MFN1: variants seen among roughly 807,000 people sequenced by gnomAD.
The protein encoded by MFN1 is mitofusin-1.
In MFN1, 65 loss-of-function variants were observed where a neutral mutation model predicts 92.4. The ratio of observed to expected loss-of-function variants is 0.70; its 90% CI spans 0.58 to 0.86. The LOEUF is 0.86. Among genes scored for constraint, MFN1 ranks in the 40% least tolerant of loss-of-function variants. The pLI is 0.00. For synonymous variants in MFN1, 297 were observed against 300.9 expected, an observed-to-expected ratio of 0.99 and a Z score of 0.13; for missense variants, 781 against 868.0, an observed-to-expected ratio of 0.90 and a Z score of 1.26.
At chr3:179,375,379 T>G (rs1443430174) in intron 10 of MFN1, 38 bp downstream of exon 10, 1 of 1,604,486 alleles carries the variant, frequency 6.2e-7, no homozygotes, top group South Asian at 1.1e-5. Flanking sequence ...AAATGTTAGT[T>G]TTTTTGTCAG....
intron 5 of MFN1, among the ~76,000 whole-genome samples, chr3:179,362,768 G>C (rs1186423264): frequency 6.6e-6 from 1 of 152,098 alleles, no homozygotes. Context: ...TCGCCTGCCG[G>C]GTACAAGTGA....
rs1309559261 is a variant in MFN1 at position 179,377,037 on chromosome 3, A to C, written c.1098-5A>C. ...GAACGTTGATTACTCTTTATACTGA[A>C]ATAGGCATTATTCAGTGGAAGAGAG... On this transcript the variant is annotated splice_region_variant and splice_polypyrimidine_tract_variant and intron_variant, in intron 10 of 17. Coordinates refer to ENST00000471841, the MANE Select transcript of MFN1 (RefSeq NM_033540.3). 6.2e-7 allele frequency: 1 copy of C among 1,613,154 alleles called. No homozygotes were observed. Among genetic ancestry groups the C allele is most frequent in the Non-Finnish European group, 8.5e-7 (1 of 1,179,658 alleles).
At chr3:179,381,374 A>G (rs888043439) in intron 14 of MFN1, among the ~76,000 whole-genome samples, 1 of 152,224 alleles carries the variant, frequency 6.6e-6, no homozygotes, top group African/African-American at 2.4e-5. Flanking sequence ...CTTCTCACCT[A>G]ACAAAGTACT....
At chr3:179,351,276 C>T (rs1472460285) in intron 2 of MFN1, among the ~76,000 whole-genome samples, 1 of 152,182 alleles carries the variant, frequency 6.6e-6, no homozygotes, top group Admixed American at 6.5e-5. Context: ...TGCGGTTAAA[C>T]CCTAAACCTG....
chr3:179,380,955 T>C (rs1196394694), intron 14 of MFN1, among the ~76,000 whole-genome samples: 1 of 152,176 alleles, frequency 6.6e-6, no homozygotes, highest in Non-Finnish European at 1.5e-5. Flanking sequence ...ATGCAAAAAA[T>C]AATATCTTCA....
intron 14 of MFN1, among the ~76,000 whole-genome samples, chr3:179,380,844 CAG>C (rs1443983935): frequency 6.6e-6 from 1 of 152,190 alleles, no homozygotes; most frequent in East Asian, 1.9e-4. Flanking sequence ...ACTTGGAAGA[CAG>C]TGACTCAGTT....
chr3:179,375,069 T>C (rs1713185604), intron 9 of MFN1, 151 bp from the exon 10 acceptor site: 1 of 858,958 alleles, frequency 1.2e-6, no homozygotes, highest in Non-Finnish European at 1.7e-6. Flanking sequence ...TTTTCACCTT[T>C]GTAATTTTAA....
Position 179,390,094 on chromosome 3 carries a change from AATAG to A in MFN1, c.2106_2109del (p.Asp703SerfsTer12). 6.2e-7 allele frequency: 1 copy of A among 1,605,666 alleles called. No homozygotes were observed. The highest frequency in any genetic ancestry group is 1.1e-5 in the South Asian group (1 of 88,832). The stretch of plus-strand genomic sequence containing the variant: ...AAGAAATTGCTAGATTACCCAAAGA[AATAG>A]ATCAGTTGGAGAAAATACAAAACAA... On this transcript the variant is annotated frameshift_variant, in exon 17 of 18. Coordinates refer to ENST00000471841, the MANE Select transcript of MFN1 (RefSeq NM_033540.3). LOFTEE classifies it high-confidence loss of function.
At chr3:179,370,308 A>T (rs1188307602) in intron 9 of MFN1, among the ~76,000 whole-genome samples, 1 of 150,418 alleles carries the variant, frequency 6.6e-6, no homozygotes, top group Non-Finnish European at 1.5e-5. Flanking sequence ...TTTGCCAATG[A>T]TTTATCATCC....
chr3:179,390,237 T>C, intron 17 of MFN1, 99 bp downstream of exon 17: 1 of 1,032,574 alleles, frequency 9.7e-7, no homozygotes, highest in East Asian at 3.2e-5. Context: ...TAATAGCTTT[T>C]TGTGTTGGTT....
intron 9 of MFN1, among the ~76,000 whole-genome samples, chr3:179,371,387 A>G (rs1320467701): frequency 6.6e-6 from 1 of 151,914 alleles, no homozygotes; most frequent in Non-Finnish European, 1.5e-5. Flanking sequence ...ATAGCTCATG[A>G]CTATAGTCAC....
At chr3:179,368,668 G>A (rs766544130) in intron 9 of MFN1, among the ~76,000 whole-genome samples, 1 of 152,224 alleles carries the variant, frequency 6.6e-6, no homozygotes, top group Non-Finnish European at 1.5e-5. Flanking sequence ...CTATTGAAGT[G>A]CCTGAGTGGT....
chr3:179,386,029 T>C (rs1439286439), intron 15 of MFN1, among the ~76,000 whole-genome samples: 1 of 152,226 alleles, frequency 6.6e-6, no homozygotes, highest in Non-Finnish European at 1.5e-5. Context: ...AGGTGCCCTA[T>C]CTAGCCTTCT....
At chr3:179,351,877 C>A (rs1712160115) in intron 2 of MFN1, 23 bp from the exon 3 acceptor site, 2 of 1,584,576 alleles carry the variant, frequency 1.3e-6, no homozygotes, top group African/African-American at 1.3e-5. Flanking sequence ...TATCACTTTT[C>A]TAATGCCATT....
Position 179,358,791 on chromosome 3 carries a change from C to CT in MFN1, c.249-42dup, listed in dbSNP as rs1246223278. The CT allele has an allele frequency of 6.4e-6, 10 of 1,552,738 alleles. No individual in the cohort carries two copies. In the East Asian group the frequency reaches 6.8e-5, roughly 11 times the overall value. On this transcript the variant is annotated intron_variant, in intron 3 of 17. Transcript: ENST00000471841. ...GATATTAGACCCAGTGAAAGAACTA[C>CT]TTTTTTTACTGTTATGTTTTGTTTT...
chr3:179,361,755 T>C (rs1412022333), intron 4 of MFN1, among the ~76,000 whole-genome samples: 1 of 152,132 alleles, frequency 6.6e-6, no homozygotes, highest in Non-Finnish European at 1.5e-5. Context: ...CAGGCTGGTC[T>C]CAAAACTCCT....
At chr3:179,373,667 A>G (rs1043385937) in intron 9 of MFN1, among the ~76,000 whole-genome samples, 1 of 151,938 alleles carries the variant, frequency 6.6e-6, no homozygotes, top group Admixed American at 6.6e-5. Flanking sequence ...TAAAAATTTT[A>G]TAAATTTTTA....
intron 7 of MFN1, among the ~76,000 whole-genome samples, chr3:179,366,385 CTT>C (rs35841060): frequency 1.8e-4 from 26 of 144,176 alleles, no homozygotes; most frequent in East Asian, 2.0e-4. Flanking sequence ...GCATCCTCAA[CTT>C]TTTTTTTTTT....
intron 13 of MFN1, 54 bp downstream of exon 13, chr3:179,378,497 G>A (rs2108549532): frequency 6.6e-7 from 1 of 1,521,016 alleles, no homozygotes; most frequent in Non-Finnish European, 9.0e-7. Flanking sequence ...TTCATGACTG[G>A]TGAAGAGCTT....
Sources: gnomAD v4.1 joint callset for allele counts (sites outside exome capture counted in the v4.1 genomes callset) on GRCh38, gnomAD v4.1.1 for gene constraint, MANE v1.5 for transcripts, NCBI Gene and HGNC (gene_info 2026-07-23, HGNC 2026-07-21) for gene names.